Variants in ATG7 observed in about 807,000 individuals in gnomAD.
ATG7 encodes the protein autophagy related 7, also known as ubiquitin-like modifier-activating enzyme ATG7.
In ATG7, 70 loss-of-function variants were observed where a neutral mutation model predicts 82.4. The ratio of observed to expected loss-of-function variants is 0.85; its 90% CI spans 0.70 to 1.04. ATG7 has a LOEUF of 1.04. Among genes scored for constraint, ATG7 ranks in the 50% least tolerant of loss-of-function variants. ATG7 has a pLI of 0.00. For synonymous variants in ATG7, 287 were observed against 313.0 expected (o/e 0.92, Z 0.88); for missense variants, 792 against 864.3 (o/e 0.92, Z 1.05).
chr3:11,439,069 C>CTTTTTTTTTTTTTTTTTTTTT (rs67206280), intron 20 of ATG7, among the ~76,000 whole-genome samples: 26 of 121,966 alleles, frequency 2.1e-4, no homozygotes, highest in Non-Finnish European at 2.6e-4. Context: ...TTCTTTCTTT[C>CTTTTTTTTTTTTTTTTTTTTT]TTTTTTTTTT....
intron 3 of ATG7, among the ~76,000 whole-genome samples, chr3:11,290,846 G>A (rs752628426): frequency 3.9e-5 from 6 of 151,920 alleles, no homozygotes; most frequent in African/African-American, 7.3e-5. Flanking sequence ...CACCATGCCC[G>A]GCTAATTTTT....
chr3:11,360,820 A>G, intron 16 of ATG7, 36 bp downstream of exon 16: 6 of 1,607,420 alleles, frequency 3.7e-6, no homozygotes, highest in Non-Finnish European at 5.1e-6. Flanking sequence ...AATATTTCCT[A>G]TCACCAACTT....
intron 20 of ATG7, among the ~76,000 whole-genome samples, chr3:11,551,632 A>G (rs1055357771): frequency 3.3e-5 from 5 of 151,978 alleles, no homozygotes; most frequent in South Asian, 2.1e-4. Context: ...GTCTTGCTCT[A>G]TTGTCCAGGC....
intron 20 of ATG7, among the ~76,000 whole-genome samples, chr3:11,500,737 T>A (rs1031401099): frequency 6.6e-6 from 1 of 152,122 alleles, no homozygotes; most frequent in Non-Finnish European, 1.5e-5. Flanking sequence ...TTCAAGCAAT[T>A]CTCCTGCCTC....
At chr3:11,486,828 T>TG (rs2089720417) in intron 20 of ATG7, among the ~76,000 whole-genome samples, 2 of 141,886 alleles carry the variant, frequency 1.4e-5, no homozygotes, top group South Asian at 2.5e-4. Context: ...CTGTTTTTTT[T>TG]TTTTTTTTTT....
intron 20 of ATG7, among the ~76,000 whole-genome samples, chr3:11,473,429 A>C (rs2087769860): frequency 6.6e-6 from 1 of 152,254 alleles, no homozygotes; most frequent in Non-Finnish European, 1.5e-5. Flanking sequence ...CCCACTTAAA[A>C]AGATGTGGAA....
At chr3:11,457,528 G>A (rs1052703162) in intron 20 of ATG7, among the ~76,000 whole-genome samples, 3 of 152,146 alleles carry the variant, frequency 2.0e-5, no homozygotes, top group Non-Finnish European at 2.9e-5. Context: ...AAATTGTTCT[G>A]TACCCAGGAG....
At chr3:11,570,149 G>A in the ATG7 span, among the ~76,000 whole-genome samples, 1 of 152,104 alleles carries the variant, frequency 6.6e-6, no homozygotes, top group Non-Finnish European at 1.5e-5. Context: ...GACCAAGGTG[G>A]AGAAGATGAA....
At chr3:11,516,759 A>C (rs573216445) in intron 20 of ATG7, among the ~76,000 whole-genome samples, 1 of 152,364 alleles carries the variant, frequency 6.6e-6, no homozygotes, top group East Asian at 1.9e-4. Context: ...CTATCAAGCC[A>C]TTAAAGACAT....
intron 9 of ATG7, among the ~76,000 whole-genome samples, chr3:11,323,207 T>C (rs1396440944): frequency 1.3e-5 from 2 of 152,224 alleles, no homozygotes; most frequent in African/African-American, 4.8e-5. Context: ...GTTTTCTTAC[T>C]TGTATGGTAC....
chr3:11,340,750 C>G lies in ATG7; in HGVS notation c.980+15C>G. 1 of 1,608,788 alleles carries G rather than the reference C, an allele frequency of 6.2e-7. No homozygotes were observed. Among genetic ancestry groups the G allele is most frequent in the African/African-American group, 1.3e-5 (1 of 74,862 alleles). On this transcript the variant is annotated intron_variant, in intron 12 of 20. Coordinates refer to ENST00000693202, the MANE Select transcript of ATG7 (RefSeq NM_001349232.2). ...GACCCTAAAAGGTATATTTGGGAAG[C>G]TGTTTTCTCCAGTCGGGCTTTTTGT...
intron 20 of ATG7, among the ~76,000 whole-genome samples, chr3:11,510,882 G>A (rs1161585628): frequency 3.9e-5 from 6 of 152,166 alleles, no homozygotes; most frequent in African/African-American, 1.4e-4. Context: ...CTTTGTGTCC[G>A]GAATTGGTGG....
At chr3:11,467,440 G>A (rs146700733) in intron 20 of ATG7, among the ~76,000 whole-genome samples, 7 of 152,242 alleles carry the variant, frequency 4.6e-5, no homozygotes, top group Non-Finnish European at 8.8e-5. Flanking sequence ...GCAATGGTGC[G>A]ATCTCGGCTT....
chr3:11,443,051 ACAT>A (rs2084156117), intron 20 of ATG7, among the ~76,000 whole-genome samples: 2 of 152,240 alleles, frequency 1.3e-5, no homozygotes, highest in African/African-American at 4.8e-5. Flanking sequence ...CTTGATTAAA[ACAT>A]CATTTAGAAA....
chr3:11,483,838 C>T (rs2089305398), intron 20 of ATG7, among the ~76,000 whole-genome samples: 1 of 152,120 alleles, frequency 6.6e-6, no homozygotes, highest in Admixed American at 6.5e-5. Context: ...ATCTTATTGG[C>T]ACAATGTTTA....
chr3:11,559,555 C>A, downstream of ATG7: 1 of 1,402,996 alleles, frequency 7.1e-7, no homozygotes, highest in Non-Finnish European at 9.3e-7. Flanking sequence ...TCCTGGTGCC[C>A]TTCCTGACCC....
rs943778789 is a variant in ATG7 at position 11,556,882 on chromosome 3, A to G, written c.*2039A>G. 6.5e-6 allele frequency: 1 copy of G among 152,734 alleles called. No individual in the cohort carries two copies. The highest frequency in any genetic ancestry group is 1.5e-5 in the Non-Finnish European group (1 of 68,038). The allele number at this position is 152,734 out of a possible 1,614,324, so 9.5% of individuals were successfully genotyped here. A position where few individuals can be genotyped will look rare whatever the true frequency, so the allele number is the denominator to read the frequency against. Reference sequence around the variant, plus strand: ...AGTGAAATGTGTGCGGGGCAAGGAGAAGGGCTTTTCTTTCCTCCACTTTTC... The same window carrying G: ...AGTGAAATGTGTGCGGGGCAAGGAGGAGGGCTTTTCTTTCCTCCACTTTTC... On this transcript the variant is annotated 3_prime_UTR_variant, in exon 21 of 21. Coordinates refer to ENST00000693202, the MANE Select transcript of ATG7 (RefSeq NM_001349232.2).
chr3:11,349,154 T>C (rs1955059182), intron 14 of ATG7, among the ~76,000 whole-genome samples: 1 of 152,214 alleles, frequency 6.6e-6, no homozygotes. Context: ...TACAATCCTT[T>C]AGCTAGACAC....
chr3:11,560,145 CG>C (rs1247958200), downstream of ATG7, among the ~76,000 whole-genome samples: 3 of 152,232 alleles, frequency 2.0e-5, no homozygotes, highest in African/African-American at 7.2e-5. Flanking sequence ...CACTGGCCAC[CG>C]CCCCACCACC....
Sources: allele counts gnomAD v4.1 joint callset (sites outside exome capture counted in the v4.1 genomes callset), GRCh38; gene constraint gnomAD v4.1.1; transcripts MANE v1.5; gene names NCBI Gene and HGNC (gene_info 2026-07-23, HGNC 2026-07-21).